Variants in NFYB observed in about 807,000 individuals in gnomAD.
NFYB encodes the protein CAAT box DNA-binding protein subunit B.
In NFYB, 13 loss-of-function variants were observed where a neutral mutation model predicts 28.0. The ratio of observed to expected loss-of-function variants is 0.46; its 90% CI spans 0.30 to 0.74. NFYB has a LOEUF of 0.74. Among genes scored for constraint, NFYB ranks in the 30% least tolerant of loss-of-function variants. NFYB has a pLI of 0.07. For missense variants in NFYB, 142 were observed against 247.6 expected (o/e 0.57, Z 2.86); for synonymous variants, 74 against 75.0 (o/e 0.99, Z 0.07).
rs1285431616 is a variant in NFYB at position 104,118,935 on chromosome 12, T to C, written c.*802A>G. 1.3e-5 allele frequency: 2 copies of C among 151,990 alleles called. No individual in the cohort carries two copies. The highest frequency in any genetic ancestry group is 2.9e-5 in the Non-Finnish European group (2 of 67,986). 9.4% of individuals were successfully genotyped at this position (151,990 alleles called of 1,614,324 possible). On this transcript the variant is annotated 3_prime_UTR_variant, in exon 8 of 8. Transcript: ENST00000240055. ...CTTGAAGATATGATTTGAAAAAAAA[T>C]CATGTACCAAATGAAAGGGGCACCA...
At chr12:104,131,650 G>GT (rs2030926016) in intron 2 of NFYB, 1 of 426,530 alleles carries the variant, frequency 2.3e-6, no homozygotes. Context: ...CATCCCAAAG[G>GT]TTTTTTCTAG....
intron 5 of NFYB, 75 bp downstream of exon 5, chr12:104,123,151 G>C: frequency 8.6e-7 from 1 of 1,157,622 alleles, no homozygotes; most frequent in Non-Finnish European, 1.2e-6. Context: ...ACTCCAGCCT[G>C]GGCAACAGAG....
Position 104,128,329 on chromosome 12 carries a change from A to G in NFYB, c.100+95T>C. 1.2e-5 allele frequency: 9 copies of G among 762,092 alleles called. 1 individual carries two copies. In the South Asian group the frequency reaches 2.1e-4, roughly 18 times the overall value. 47.2% of individuals were successfully genotyped at this position (762,092 alleles called of 1,614,324 possible). A position where few individuals can be genotyped will look rare whatever the true frequency, so the allele number is the denominator to read the frequency against. The stretch of plus-strand genomic sequence containing the variant: ...AACACAAGATTGTAAATTTTCCTAT[A>G]AAGACACAAGTAGCCTAGAACACCA... On this transcript the variant is annotated intron_variant, in intron 3 of 7. Coordinates refer to ENST00000240055, the MANE Select transcript of NFYB (RefSeq NM_006166.4).
rs1410230825 is a variant in NFYB, at chr12:104,118,360, C to T, written c.*1377G>A. On this transcript the variant is annotated 3_prime_UTR_variant, in exon 8 of 8. Transcript: ENST00000240055. ...AGTAGGAGATGAGGACATTATTAAC[C>T]TCTGATTAGCCCACATATACTCCTA... is the stretch of plus-strand genomic sequence containing the variant. The T allele has an allele frequency of 3.3e-5, 5 of 152,382 alleles. No homozygotes were observed. Among genetic ancestry groups the T allele is most frequent in the Admixed American group, 1.3e-4 (2 of 15,246 alleles). The allele number at this position is 152,382 out of a possible 1,614,324, so 9.4% of individuals were successfully genotyped here.
intron 4 of NFYB, among the ~76,000 whole-genome samples, chr12:104,123,726 G>A (rs1339245144): frequency 2.6e-5 from 4 of 152,110 alleles, no homozygotes; most frequent in Non-Finnish European, 5.9e-5. Context: ...TTGGGAGGCC[G>A]AGGCGGGCGG....
intron 1 of NFYB, among the ~76,000 whole-genome samples, chr12:104,135,746 A>G (rs541360269): frequency 1.2e-3 from 178 of 152,334 alleles, no homozygotes; most frequent in African/African-American, 4.2e-3. Context: ...AGAACTTAAA[A>G]ACAAGTTAAT....
intron 2 of NFYB, chr12:104,131,806 T>G (rs1565827101): frequency 2.2e-6 from 1 of 455,976 alleles, no homozygotes; most frequent in Non-Finnish European, 4.4e-6. Flanking sequence ...ACAAGGTCTC[T>G]GTCCTCAGCT....
intron 5 of NFYB, among the ~76,000 whole-genome samples, chr12:104,122,719 G>C (rs2030526391): frequency 6.6e-6 from 1 of 152,152 alleles, no homozygotes; most frequent in Admixed American, 6.5e-5. Flanking sequence ...TGGAAAAATT[G>C]CTTTCCACAA....
chr12:104,130,978 T>G (rs2030901785), intron 2 of NFYB, among the ~76,000 whole-genome samples: 1 of 152,130 alleles, frequency 6.6e-6, no homozygotes, highest in African/African-American at 2.4e-5. Flanking sequence ...GAATGAGTGT[T>G]TACATGATAC....
At position 104,126,372 on chromosome 12, in the gene NFYB, A is replaced by G. The variant is rs901454608; in HGVS notation, c.101-128T>C. The G allele has an allele frequency of 3.2e-5, 20 of 633,550 alleles. No homozygotes were observed. The Admixed American group carries it at 8.6e-4, about 27-fold the overall frequency. 39.2% of individuals were successfully genotyped at this position (633,550 alleles called of 1,614,324 possible). A position where few individuals can be genotyped will look rare whatever the true frequency, so the allele number is the denominator to read the frequency against. ...TCTTAACCATTATTTAGGGATTAGGATAGCAAGTCTCTTCATAATTTTTAC... is the reference window on the plus strand; with the variant it reads ...TCTTAACCATTATTTAGGGATTAGGGTAGCAAGTCTCTTCATAATTTTTAC... On this transcript the variant is annotated intron_variant, in intron 3 of 7. Transcript: ENST00000240055.
intron 3 of NFYB, 133 bp from the exon 4 acceptor site, chr12:104,126,377 A>T: frequency 4.9e-6 from 3 of 612,012 alleles, no homozygotes; most frequent in Non-Finnish European, 7.3e-6. Flanking sequence ...TTAGGATAGC[A>T]AGTCTCTTCA....
In NFYB at chr12:104,117,997, T is replaced by C. The variant is rs1260822359; in HGVS notation, c.*1740A>G. 6.6e-6 allele frequency: 1 copy of C among 152,156 alleles called. No homozygotes were observed. Among genetic ancestry groups the C allele is most frequent in the Non-Finnish European group, 1.5e-5 (1 of 68,028 alleles). 9.4% of individuals were successfully genotyped at this position (152,156 alleles called of 1,614,324 possible). The stretch of plus-strand genomic sequence containing the variant: ...GTTTATAACTGTGAAAAGATGTAAA[T>C]AGTCAAAATATCCAATAGAAGATTA... On this transcript the variant is annotated 3_prime_UTR_variant, in exon 8 of 8. Transcript: ENST00000240055.
At position 104,117,329 on chromosome 12, in the gene NFYB, G is replaced by A. The variant is rs866010764; in HGVS notation, c.*2408C>T. The stretch of plus-strand genomic sequence containing the variant: ...TAAAAAAGGTGACCTGATTTTACCT[G>A]GTGTAAAATTTTAGTTAGCACTACT... On this transcript the variant is annotated 3_prime_UTR_variant, in exon 8 of 8. Transcript: ENST00000240055. The A allele has an allele frequency of 1.5e-4, 23 of 152,050 alleles. No homozygotes were observed. The highest frequency in any genetic ancestry group is 5.3e-4 in the African/African-American group (22 of 41,392). The allele number at this position is 152,050 out of a possible 1,614,324, so 9.4% of individuals were successfully genotyped here. A position where few individuals can be genotyped will look rare whatever the true frequency, so the allele number is the denominator to read the frequency against.
chr12:104,119,587 C>A lies in NFYB; in HGVS notation c.*150G>T. 1 of 520,224 alleles carries A rather than the reference C, an allele frequency of 1.9e-6. No homozygotes were observed. Among genetic ancestry groups the A allele is most frequent in the South Asian group, 3.7e-5 (1 of 27,108 alleles). 32.2% of individuals were successfully genotyped at this position (520,224 alleles called of 1,614,324 possible). On this transcript the variant is annotated 3_prime_UTR_variant, in exon 8 of 8. Transcript: ENST00000240055. ...AAAAAGATTCTCAAGTCAGAATTAA[C>A]ACCTCAATTAGTCAAGCATCAGGAA...
chr12:104,137,462 C>G (rs1415907841), intron 1 of NFYB: 1 of 152,216 alleles, frequency 6.6e-6, no homozygotes, highest in Admixed American at 6.5e-5. Flanking sequence ...AAAGCCATGC[C>G]TTCCTCCCCA....
chr12:104,128,407 A>G lies in NFYB; in HGVS notation c.100+17T>C, dbSNP rs759320838. 2 of 1,578,580 alleles carry G rather than the reference A, an allele frequency of 1.3e-6. No individual in the cohort carries two copies. The highest frequency in any genetic ancestry group is 1.7e-6 in the Non-Finnish European group (2 of 1,154,388). On this transcript the variant is annotated intron_variant, in intron 3 of 7. Transcript: ENST00000240055. ...TGCTTCAACTTGAGAATTTGGTTCT[A>G]ATTGTGGCTTGCTTACCATCATGAG... is the stretch of plus-strand genomic sequence containing the variant.
intron 1 of NFYB, chr12:104,137,757 G>T (rs1335864177): frequency 6.8e-6 from 1 of 147,596 alleles, no homozygotes; most frequent in Non-Finnish European, 1.5e-5. Flanking sequence ...CCGCCCCTCG[G>T]CCGGCTCCCC....
chr12:104,126,271 AAAGCTTCTTAT>A (rs2136657486), intron 3 of NFYB, 27 bp from the exon 4 acceptor site: 1 of 1,486,474 alleles, frequency 6.7e-7, no homozygotes, highest in East Asian at 2.4e-5. Context: ...ATTTAGGTGT[AAAGCTTCTTAT>A]TATTTCTATT....
intron 7 of NFYB, among the ~76,000 whole-genome samples, 175 bp from the exon 8 acceptor site, chr12:104,119,944 T>C: frequency 6.6e-6 from 1 of 152,316 alleles, no homozygotes; most frequent in South Asian, 2.1e-4. Context: ...TTTTTAACTA[T>C]TAAGAGAACA....
Sources: gnomAD v4.1 joint callset for allele counts (sites outside exome capture counted in the v4.1 genomes callset) on GRCh38, gnomAD v4.1.1 for gene constraint, MANE v1.5 for transcripts, NCBI Gene and HGNC (gene_info 2026-07-23, HGNC 2026-07-21) for gene names.